STX3: variants seen among roughly 807,000 people sequenced by gnomAD.
The protein encoded by STX3 is syntaxin 3.
In STX3, 19 loss-of-function variants were observed where a neutral mutation model predicts 40.2. The ratio of observed to expected loss-of-function variants is 0.47; its 90% CI spans 0.33 to 0.69. The LOEUF is 0.69. Ranked by LOEUF, STX3 falls within the 30% of genes least tolerant of loss-of-function variation. The pLI is 0.02. For missense variants in STX3, 364 were observed against 366.7 expected, an observed-to-expected ratio of 0.99 and a Z score of 0.06; for synonymous variants, 122 against 132.2, an observed-to-expected ratio of 0.92 and a Z score of 0.53.
intron 2 of STX3, among the ~76,000 whole-genome samples, chr11:59,776,031 C>A (rs1472433147): frequency 6.6e-6 from 1 of 152,124 alleles, no homozygotes; most frequent in African/African-American, 2.4e-5. Context: ...ATATTCATGT[C>A]ATAGATTTGG....
chr11:59,762,475 T>G (rs1026153259), intron 1 of STX3, among the ~76,000 whole-genome samples: 1 of 152,204 alleles, frequency 6.6e-6, no homozygotes, highest in Non-Finnish European at 1.5e-5. Context: ...CTTAGAAGGA[T>G]CCTCACTCAG....
At chr11:59,783,652 C>T (rs1200912224) in intron 2 of STX3, among the ~76,000 whole-genome samples, 5 of 152,114 alleles carry the variant, frequency 3.3e-5, no homozygotes, top group African/African-American at 9.7e-5. Context: ...CCTGCAATTG[C>T]CTCATGATTT....
chr11:59,802,006 C>G lies in STX3; in HGVS notation c.*1182C>G, dbSNP rs534754749. ...CTAAATTGATCCCAATTAAGTTTTT[C>G]TGCTTAGCAGACAGAAGGTATAATT... On this transcript the variant is annotated 3_prime_UTR_variant, in exon 11 of 11. Transcript: ENST00000337979. The G allele has an allele frequency of 1.1e-4, 113 of 985,450 alleles. No homozygotes were observed. The South Asian group carries it at 4.7e-3, about 41-fold the overall frequency. 61.0% of individuals were successfully genotyped at this position (985,450 alleles called of 1,614,324 possible).
At chr11:59,782,257 G>A (rs900027601) in intron 2 of STX3, among the ~76,000 whole-genome samples, 11 of 152,184 alleles carry the variant, frequency 7.2e-5, no homozygotes, top group African/African-American at 1.2e-4. Flanking sequence ...ATTGACTTGG[G>A]TGTTGACCTT....
chr11:59,763,757 C>T (rs1010800311), intron 1 of STX3, among the ~76,000 whole-genome samples: 1 of 152,164 alleles, frequency 6.6e-6, no homozygotes, highest in African/African-American at 2.4e-5. Context: ...GTGGCTCATG[C>T]CTATAATCCT....
chr11:59,758,510 G>A (rs969673918), intron 1 of STX3, among the ~76,000 whole-genome samples: 1 of 152,224 alleles, frequency 6.6e-6, no homozygotes, highest in Non-Finnish European at 1.5e-5. Flanking sequence ...ACCCACCACT[G>A]TTATTGTTAG....
At position 59,788,853 on chromosome 11, in the gene STX3, G is replaced by A. The variant is rs1244521142; in HGVS notation, c.215-20G>A. 1 of 1,607,618 alleles carries A rather than the reference G, an allele frequency of 6.2e-7. No homozygotes were observed. Reference sequence around the variant, plus strand: ...AGTCCTCTCCTTTCTAACGGATTCTGCCTGCCTTTATTTACCCAGAAACCA... The same window carrying A: ...AGTCCTCTCCTTTCTAACGGATTCTACCTGCCTTTATTTACCCAGAAACCA... On this transcript the variant is annotated intron_variant, in intron 3 of 10. Transcript: ENST00000337979.
At chr11:59,758,055 G>A (rs1246926158) in intron 1 of STX3, among the ~76,000 whole-genome samples, 1 of 152,196 alleles carries the variant, frequency 6.6e-6, no homozygotes, top group Non-Finnish European at 1.5e-5. Flanking sequence ...TCTAAATCCT[G>A]GGGAGGGGAG....
intron 2 of STX3, among the ~76,000 whole-genome samples, chr11:59,777,158 G>C (rs191200117): frequency 1.3e-5 from 2 of 152,182 alleles, no homozygotes; most frequent in Non-Finnish European, 2.9e-5. Flanking sequence ...TGTCAGTAAG[G>C]TACCATGGGA....
At chr11:59,778,628 C>T (rs1864146885) in intron 2 of STX3, among the ~76,000 whole-genome samples, 1 of 152,156 alleles carries the variant, frequency 6.6e-6, no homozygotes, top group Admixed American at 6.5e-5. Context: ...TGCAAAAAGC[C>T]TTCTGTGATC....
chr11:59,787,256 T>A, intron 3 of STX3, 120 bp downstream of exon 3: 1 of 750,026 alleles, frequency 1.3e-6, no homozygotes, highest in Non-Finnish European at 2.2e-6. Context: ...GGCACTAGTG[T>A]ACATATTATC....
chr11:59,779,596 A>T (rs145110736), intron 2 of STX3, among the ~76,000 whole-genome samples: 77 of 152,322 alleles, frequency 5.1e-4, no homozygotes, highest in African/African-American at 1.7e-3. Context: ...AGTTACTTAT[A>T]TTCATTTATT....
At chr11:59,757,769 T>C (rs1479437995) in intron 1 of STX3, among the ~76,000 whole-genome samples, 1 of 152,178 alleles carries the variant, frequency 6.6e-6, no homozygotes, top group Non-Finnish European at 1.5e-5. Context: ...TCTCAATTCC[T>C]CCTTTATACA....
intron 2 of STX3, among the ~76,000 whole-genome samples, chr11:59,779,209 A>G (rs1864193007): frequency 6.6e-6 from 1 of 152,206 alleles, no homozygotes; most frequent in South Asian, 2.1e-4. Flanking sequence ...AATGGCTTAT[A>G]AACAATAAGA....
At chr11:59,774,669 A>G (rs1327779000) in intron 2 of STX3, among the ~76,000 whole-genome samples, 1 of 152,086 alleles carries the variant, frequency 6.6e-6, no homozygotes, top group Admixed American at 6.5e-5. Flanking sequence ...TGTCTGTACT[A>G]AACATACAAA....
rs1363943699 is a variant in STX3, at chr11:59,804,758, C to T, written c.*3934C>T. 6.6e-6 allele frequency: 1 copy of T among 152,198 alleles called. No individual in the cohort carries two copies. Among genetic ancestry groups the T allele is most frequent in the Non-Finnish European group, 1.5e-5 (1 of 68,040 alleles). The allele number at this position is 152,198 out of a possible 1,614,324, so 9.4% of individuals were successfully genotyped here. ...AATAGGTTTATAGCATGACTGAACT[C>T]ACACATCAGTAGAACACTCTGTGAA... On this transcript the variant is annotated 3_prime_UTR_variant, in exon 11 of 11. Coordinates refer to ENST00000337979, the MANE Select transcript of STX3 (RefSeq NM_004177.5).
chr11:59,765,229 C>T (rs951782044), intron 1 of STX3, among the ~76,000 whole-genome samples: 3 of 152,128 alleles, frequency 2.0e-5, no homozygotes, highest in Non-Finnish European at 4.4e-5. Context: ...AGAGAAATCA[C>T]AGCTTAGTGA....
At position 59,795,756 on chromosome 11, in the gene STX3, C is replaced by T. The variant is rs1035126755; in HGVS notation, c.786+274C>T. The T allele has an allele frequency of 6.0e-6, 9 of 1,498,932 alleles. No homozygotes were observed. In the African/African-American group the frequency reaches 1.1e-4, roughly 18 times the overall value. 92.9% of individuals were successfully genotyped at this position (1,498,932 alleles called of 1,614,324 possible). A position where few individuals can be genotyped will look rare whatever the true frequency, so the allele number is the denominator to read the frequency against. On this transcript the variant is annotated intron_variant, in intron 9 of 10. Transcript: ENST00000337979. ...ACTGTCCTTCGTCTCAGCTGTCTTACTAGTATCTCTTCTCCCTGGCCACCC... is the reference window on the plus strand; with the variant it reads ...ACTGTCCTTCGTCTCAGCTGTCTTATTAGTATCTCTTCTCCCTGGCCACCC...
chr11:59,771,999 C>T (rs1863678425), intron 1 of STX3, among the ~76,000 whole-genome samples: 1 of 152,152 alleles, frequency 6.6e-6, no homozygotes, highest in Non-Finnish European at 1.5e-5. Context: ...AAGAGACTGT[C>T]CACATGGCTG....
Sources: gnomAD v4.1 joint callset for allele counts (sites outside exome capture counted in the v4.1 genomes callset) on GRCh38, gnomAD v4.1.1 for gene constraint, MANE v1.5 for transcripts, NCBI Gene and HGNC (gene_info 2026-07-23, HGNC 2026-07-21) for gene names.